The following MRC1 variants were observed in gnomAD, a reference collection of about 807,000 sequenced individuals.
MRC1 encodes the protein macrophage mannose receptor 1.
A neutral mutation model predicts 102.9 loss-of-function variants in MRC1; 62 were observed. The observed-to-expected ratio is 0.60, with a 90% confidence interval of 0.49 to 0.74. MRC1 has a LOEUF of 0.74. MRC1 is among the 30% of genes least tolerant of loss of function. The probability of loss-of-function intolerance (pLI) is 0.00; values close to 1 mark genes in which losing one functional copy is unlikely to be tolerated. For missense variants in MRC1, 1,237 were observed against 862.8 expected (o/e 1.43, Z -5.43); for synonymous variants, 457 against 298.4 (o/e 1.53, Z -5.48).
intron 19 of MRC1, 74 bp from the exon 20 acceptor site, chr10:17,880,451 G>A (rs1004495308): frequency 2.1e-5 from 16 of 761,368 alleles, no homozygotes; most frequent in Admixed American, 2.1e-4. Context: ...TTGTAAAATA[G>A]AAATATATTT....
chr10:17,819,741 A>G (rs1554838142), intron 1 of MRC1, among the ~76,000 whole-genome samples: 1 of 152,090 alleles, frequency 6.6e-6, no homozygotes, highest in Non-Finnish European at 1.5e-5. Flanking sequence ...CTAGGAGTTC[A>G]AGACCAACCT....
At position 17,827,133 on chromosome 10, in the gene MRC1, T is replaced by C. The variant is rs977261218; in HGVS notation, c.464-409T>C. Among the ~76,000 whole-genome samples, 653 of 152,016 alleles carry C rather than the reference T, an allele frequency of 4.3e-3. 15 individuals are homozygous for C. The highest frequency in any genetic ancestry group is 0.028 in the East Asian group (145 of 5,162). The stretch of plus-strand genomic sequence containing the variant: ...GAAAAGACAGTGGAAAATGAAGTGG[T>C]ACTATGAGTTATTATTACCACTTTA... On this transcript the variant is annotated intron_variant, in intron 2 of 29. Coordinates refer to ENST00000569591, the MANE Select transcript of MRC1 (RefSeq NM_002438.4).
chr10:17,898,759 A>G (rs1833789119), intron 24 of MRC1, among the ~76,000 whole-genome samples: 1 of 152,206 alleles, frequency 6.6e-6, no homozygotes, highest in Admixed American at 6.5e-5. Flanking sequence ...GTATTCCATA[A>G]TAGACTAAGG....
chr10:17,832,041 C>T (rs1002026931), intron 3 of MRC1, among the ~76,000 whole-genome samples: 10 of 151,598 alleles, frequency 6.6e-5, no homozygotes, highest in Non-Finnish European at 1.0e-4. Flanking sequence ...GAAAACGAGA[C>T]TTCAAAAGTT....
chr10:17,828,233 C>T (rs907273736), intron 3 of MRC1, among the ~76,000 whole-genome samples: 9 of 151,882 alleles, frequency 5.9e-5, no homozygotes, highest in Non-Finnish European at 1.0e-4. Flanking sequence ...CCCGCCACCA[C>T]GCCTGGCTAA....
At chr10:17,870,546 T>C (rs1461602309) in intron 13 of MRC1, among the ~76,000 whole-genome samples, 173 bp downstream of exon 13, 3 of 152,182 alleles carry the variant, frequency 2.0e-5, no homozygotes, top group Non-Finnish European at 4.4e-5. Flanking sequence ...AATCCTTTAA[T>C]TTTATAAGTG....
intron 3 of MRC1, among the ~76,000 whole-genome samples, chr10:17,829,654 AGT>A (rs1838539241): frequency 6.6e-6 from 1 of 151,574 alleles, no homozygotes; most frequent in Admixed American, 6.6e-5. Flanking sequence ...AGTGATTGAA[AGT>A]GTCTTTCTCC....
chr10:17,863,210 A>G (rs1276730903), intron 10 of MRC1, among the ~76,000 whole-genome samples: 2 of 152,148 alleles, frequency 1.3e-5, no homozygotes, highest in African/African-American at 4.8e-5. Flanking sequence ...TTTAAAATGC[A>G]TTAGTTTTCT....
intron 16 of MRC1, 86 bp downstream of exon 16, chr10:17,873,911 A>G (rs1833390187): frequency 3.6e-6 from 3 of 833,098 alleles, no homozygotes; most frequent in South Asian, 1.3e-5. Context: ...TACTTGCCCT[A>G]GGAAGGTAGA....
intron 1 of MRC1, among the ~76,000 whole-genome samples, chr10:17,813,100 G>A (rs1274616700): frequency 6.6e-6 from 1 of 152,168 alleles, no homozygotes; most frequent in Non-Finnish European, 1.5e-5. Context: ...TCATTTTATA[G>A]ATGAAGCACC....
At chr10:17,886,032 T>C (rs1833588550) in intron 22 of MRC1, among the ~76,000 whole-genome samples, 1 of 152,150 alleles carries the variant, frequency 6.6e-6, no homozygotes, top group Admixed American at 6.5e-5. Context: ...GAAGATTTTG[T>C]TTTTACCTTA....
Position 17,907,577 on chromosome 10 carries a change from C to G in MRC1, c.3957C>G (p.Asn1319Lys). The G allele has an allele frequency of 1.3e-6, 1 of 780,870 alleles. No individual in the cohort carries two copies. The highest frequency in any genetic ancestry group is 1.3e-5 in the South Asian group (1 of 74,616). 48.4% of individuals were successfully genotyped at this position (780,870 alleles called of 1,614,324 possible). The change falls in exon 28 of 30, where the codon AAC (asparagine) becomes AAG (lysine). Residue 1319 changes from asparagine to lysine, a missense_variant. By Grantham distance (94) the Asn-to-Lys change is moderately conservative (BLOSUM62 0). Transcript: ENST00000569591. ...WINNSPVSFVNWNTGDPSGER... is the reference protein window; with the variant it reads ...WINNSPVSFVKWNTGDPSGER... Reference sequence around the variant, plus strand: ...ATAACAGTCCGGTCTCCTTTGTCAACTGGAACACAGGAGATCCCTCTGGTG... The same window carrying G: ...ATAACAGTCCGGTCTCCTTTGTCAAGTGGAACACAGGAGATCCCTCTGGTG...
intron 6 of MRC1, among the ~76,000 whole-genome samples, chr10:17,846,520 A>T (rs1838828113): frequency 6.6e-6 from 1 of 152,230 alleles, no homozygotes; most frequent in Non-Finnish European, 1.5e-5. Flanking sequence ...GATTCAAAAG[A>T]TACAACATGA....
intron 28 of MRC1, 136 bp from the exon 29 acceptor site, chr10:17,909,170 T>G: frequency 1.5e-6 from 1 of 671,198 alleles, no homozygotes; most frequent in South Asian, 1.7e-5. Flanking sequence ...TTTTTATATC[T>G]ATCATATCAT....
rs1833953055 is a variant in MRC1 at position 17,910,386 on chromosome 10, A to G, written c.4292A>G (p.Asn1431Ser). 1.3e-6 allele frequency: 1 copy of G among 780,698 alleles called. No homozygotes were observed. Among genetic ancestry groups the G allele is most frequent in the Non-Finnish European group, 2.4e-6 (1 of 417,964 alleles). The allele number at this position is 780,698 out of a possible 1,614,324, so 48.4% of individuals were successfully genotyped here. Residue 1431 changes from asparagine (N) to serine (S), a missense_variant, in exon 30 of 30, where the codon AAC (asparagine) becomes AGC (serine). By Grantham distance (46) the Asn-to-Ser change is conservative (BLOSUM62 1). Coordinates refer to ENST00000569591, the MANE Select transcript of MRC1 (RefSeq NM_002438.4). ...GCCTTTGAAAACACTCTGTATTTTA[A>G]CAGTCAGTCAAGCCCAGGAACTAGT... Reference protein sequence around the residue: ...EGAFENTLYFNSQSSPGTSDM... With the variant: ...EGAFENTLYFSSQSSPGTSDM...
intron 3 of MRC1, among the ~76,000 whole-genome samples, chr10:17,829,416 C>T (rs1470286836): frequency 6.6e-6 from 1 of 151,370 alleles, no homozygotes; most frequent in Non-Finnish European, 1.5e-5. Flanking sequence ...AGTGCAGTCT[C>T]TCCAATCCGA....
intron 2 of MRC1, among the ~76,000 whole-genome samples, chr10:17,824,001 G>C (rs1467861369): frequency 6.6e-6 from 1 of 152,162 alleles, no homozygotes; most frequent in Non-Finnish European, 1.5e-5. Context: ...TTTAGAGACT[G>C]TAATAATCAG....
chr10:17,910,651 AG>A lies in MRC1; in HGVS notation c.*189del. 3 of 657,466 alleles carry A rather than the reference AG, an allele frequency of 4.6e-6. No individual in the cohort carries two copies. The South Asian group carries it at 5.4e-5, about 12-fold the overall frequency. The allele number at this position is 657,466 out of a possible 1,614,324, so 40.7% of individuals were successfully genotyped here. ...GCCTGGCAAGATATTTTCATAAAAG[AG>A]GGATAACAATGCTGATTACTACCTT... On this transcript the variant is annotated 3_prime_UTR_variant, in exon 30 of 30. Transcript: ENST00000569591.
Position 17,880,524 on chromosome 10 carries a change from G to T in MRC1, c.2720-1G>T. On this transcript the variant is annotated splice_acceptor_variant, in intron 19 of 29. Transcript: ENST00000569591. LOFTEE classifies it high-confidence loss of function. Reference sequence around the variant, plus strand: ...AATTTAACTATTTCTCTCTTTGCCAGGGTTTTGGAATGACATTAACTGTGG... The same window carrying T: ...AATTTAACTATTTCTCTCTTTGCCATGGTTTTGGAATGACATTAACTGTGG... The T allele has an allele frequency of 1.3e-6, 1 of 780,742 alleles. No individual in the cohort carries two copies. The highest frequency in any genetic ancestry group is 2.4e-6 in the Non-Finnish European group (1 of 417,936). 48.4% of individuals were successfully genotyped at this position (780,742 alleles called of 1,614,324 possible). A position where few individuals can be genotyped will look rare whatever the true frequency, so the allele number is the denominator to read the frequency against.
Sources: gnomAD v4.1 joint callset for allele counts (sites outside exome capture counted in the v4.1 genomes callset) on GRCh38, gnomAD v4.1.1 for gene constraint, MANE v1.5 for transcripts, NCBI Gene and HGNC (gene_info 2026-07-23, HGNC 2026-07-21) for gene names.